The following KCNK10 variants were observed in gnomAD, a reference collection of about 807,000 sequenced individuals.
KCNK10 encodes potassium channel subfamily K member 10.
In KCNK10, 25 loss-of-function variants were observed where a neutral mutation model predicts 47.7. The observed-to-expected ratio is 0.52, with a 90% confidence interval of 0.38 to 0.73. The LOEUF (loss-of-function observed/expected upper bound fraction) is 0.73. Among genes scored for constraint, KCNK10 ranks in the 30% least tolerant of loss-of-function variants. The pLI is 0.00. For synonymous variants in KCNK10, 303 were observed against 285.6 expected (o/e 1.06, Z -0.61); for missense variants, 563 against 714.5 (o/e 0.79, Z 2.42).
At chr14:88,188,236 T>C in intron 5 of KCNK10, 127 bp from the exon 6 acceptor site, 9 of 1,182,270 alleles carry the variant, frequency 7.6e-6, no homozygotes, top group Non-Finnish European at 1.1e-5. Context: ...AGGTTTGCTG[T>C]GTACAAGGTG....
chr14:88,203,259 T>C (rs868736704), intron 4 of KCNK10, among the ~76,000 whole-genome samples: 5 of 152,254 alleles, frequency 3.3e-5, no homozygotes, highest in Admixed American at 2.0e-4. Context: ...GATTTGGTCA[T>C]TGTTTTTAAC....
chr14:88,237,862 T>G (rs936135376), intron 3 of KCNK10, among the ~76,000 whole-genome samples: 1 of 152,194 alleles, frequency 6.6e-6, no homozygotes, highest in Non-Finnish European at 1.5e-5. Context: ...AGCACTGGCT[T>G]CAACATAAAG....
chr14:88,326,208 AATT>A (rs1238582300), upstream of KCNK10, among the ~76,000 whole-genome samples: 2 of 139,122 alleles, frequency 1.4e-5, no homozygotes, highest in Non-Finnish European at 3.1e-5. Context: ...AATCCACCAA[AATT>A]AGGTAAATAA....
chr14:88,272,626 T>G (rs1887432391), intron 1 of KCNK10, among the ~76,000 whole-genome samples: 1 of 152,098 alleles, frequency 6.6e-6, no homozygotes, highest in Non-Finnish European at 1.5e-5. Context: ...GGAGAGAGTG[T>G]GGCTCTTGTT....
upstream of KCNK10, chr14:88,326,723 G>A (rs1726876408): frequency 2.1e-6 from 1 of 484,408 alleles, no homozygotes; most frequent in African/African-American, 2.0e-5. Context: ...CTGCCCGGCT[G>A]GAGCGCACCA....
At chr14:88,287,166 T>A (rs1887780409) in intron 1 of KCNK10, among the ~76,000 whole-genome samples, 1 of 152,180 alleles carries the variant, frequency 6.6e-6, no homozygotes. Flanking sequence ...CCAGAATGCA[T>A]AATCTGACAC....
Position 88,188,045 on chromosome 14 carries a change from A to T in KCNK10, c.933T>A (p.Val311=). 1.9e-6 allele frequency: 3 copies of T among 1,614,242 alleles called. No homozygotes were observed. The East Asian group carries it at 6.7e-5, about 36-fold the overall frequency. ...YKPLVWFWIL[V]GLAYFAAVLS... ...GGACAGCTGCAAAGTAGGCAAGGCC[A>T]ACAAGGATCCAAAACCACACTAGGG... Residue 311 remains valine (V), a synonymous_variant, in exon 6 of 7, where the codon GTT becomes GTA. Coordinates refer to ENST00000319231, the MANE Select transcript of KCNK10 (RefSeq NM_138317.3).
At chr14:88,274,983 C>T (rs890410639) in intron 1 of KCNK10, among the ~76,000 whole-genome samples, 3 of 152,150 alleles carry the variant, frequency 2.0e-5, no homozygotes, top group Admixed American at 1.3e-4. Context: ...CCCCTCACCC[C>T]TACCCCAAAC....
upstream of KCNK10, among the ~76,000 whole-genome samples, chr14:88,324,703 C>T (rs889224520): frequency 6.6e-5 from 10 of 152,152 alleles, no homozygotes; most frequent in Non-Finnish European, 1.2e-4. Context: ...TGCCTGCCAG[C>T]TGGGGTCCTA....
In KCNK10 at chr14:88,195,927, C is replaced by A. The variant is rs114637325; in HGVS notation, c.682-3517G>T. Among the ~76,000 whole-genome samples, 348 of 152,292 alleles carry A rather than the reference C, an allele frequency of 2.3e-3. 1 individual carries two copies. The highest frequency in any genetic ancestry group is 8.3e-3 in the African/African-American group (345 of 41,560). ...TAGGCAAAATTGCATGGCTTACTTA[C>A]CAGTAAGCAGAGCCGCTAGCAGAAA... On this transcript the variant is annotated intron_variant, in intron 4 of 6. Coordinates refer to ENST00000319231, the MANE Select transcript of KCNK10 (RefSeq NM_138317.3).
chr14:88,224,494 A>C (rs1885921072), intron 4 of KCNK10, among the ~76,000 whole-genome samples: 3 of 152,360 alleles, frequency 2.0e-5, no homozygotes, highest in East Asian at 3.9e-4. Flanking sequence ...TAAGTAATCC[A>C]ATATCCCTCA....
At chr14:88,286,317 T>C (rs1015812794) in intron 1 of KCNK10, among the ~76,000 whole-genome samples, 1 of 152,108 alleles carries the variant, frequency 6.6e-6, no homozygotes, top group Non-Finnish European at 1.5e-5. Context: ...CTGAGCATAA[T>C]AAAATGCTTG....
intron 4 of KCNK10, among the ~76,000 whole-genome samples, chr14:88,199,504 C>G (rs1885032043): frequency 6.6e-6 from 1 of 152,132 alleles, no homozygotes; most frequent in African/African-American, 2.4e-5. Flanking sequence ...GGACAAGAAC[C>G]TGGAAAAGCA....
intron 1 of KCNK10, among the ~76,000 whole-genome samples, chr14:88,291,106 GC>G (rs1200856038): frequency 1.3e-5 from 2 of 152,180 alleles, no homozygotes; most frequent in Non-Finnish European, 2.9e-5. Context: ...TCATGAAGAA[GC>G]CAAACACTGC....
At chr14:88,258,999 C>T (rs893731925) in intron 2 of KCNK10, among the ~76,000 whole-genome samples, 1 of 152,222 alleles carries the variant, frequency 6.6e-6, no homozygotes, top group African/African-American at 2.4e-5. Flanking sequence ...GAAATAAATA[C>T]TTTCCATCTA....
At chr14:88,321,309 T>C (rs1888541890) in intron 1 of KCNK10, among the ~76,000 whole-genome samples, 1 of 152,194 alleles carries the variant, frequency 6.6e-6, no homozygotes, top group Non-Finnish European at 1.5e-5. Context: ...CCTTCTCTGG[T>C]CCTTGTCAAT....
At chr14:88,271,182 C>G (rs936608579) in intron 1 of KCNK10, among the ~76,000 whole-genome samples, 1 of 152,168 alleles carries the variant, frequency 6.6e-6, no homozygotes. Context: ...ATAAGATGCC[C>G]TTCCTTTGTG....
intron 4 of KCNK10, among the ~76,000 whole-genome samples, chr14:88,204,096 A>G (rs1485223680): frequency 6.6e-6 from 1 of 152,216 alleles, no homozygotes. Context: ...AGGCCTCTAC[A>G]GTGACCATGT....
intron 4 of KCNK10, among the ~76,000 whole-genome samples, chr14:88,219,780 C>A (rs1885737159): frequency 6.6e-6 from 1 of 152,136 alleles, no homozygotes; most frequent in African/African-American, 2.4e-5. Context: ...TGAGCTCCAG[C>A]CCCACCGCCC....
Sources: allele counts gnomAD v4.1 joint callset (sites outside exome capture counted in the v4.1 genomes callset), GRCh38; gene constraint gnomAD v4.1.1; transcripts MANE v1.5; gene names NCBI Gene and HGNC (gene_info 2026-07-23, HGNC 2026-07-21).